LRRC7: variants seen among roughly 807,000 people sequenced by gnomAD.
LRRC7 encodes leucine rich repeat containing 7.
LRRC7 carries 23 observed loss-of-function variants against 175.7 expected under a neutral mutation model. That is an observed-to-expected ratio of 0.13 (90% CI 0.09 to 0.19). LRRC7 has a LOEUF of 0.19. LRRC7 is among the 10% of genes least tolerant of loss of function. The pLI is 1.00. For missense variants in LRRC7, 1,354 were observed against 1,904.7 expected, an observed-to-expected ratio of 0.71 and a Z score of 5.38; for synonymous variants, 685 against 680.9, an observed-to-expected ratio of 1.01 and a Z score of -0.09.
intron 23 of LRRC7, among the ~76,000 whole-genome samples, chr1:70,067,157 T>G (rs1272821435): frequency 6.6e-6 from 1 of 152,060 alleles, no homozygotes; most frequent in Non-Finnish European, 1.5e-5. Flanking sequence ...AGCTTGAGAG[T>G]TGAGAGTTCT....
intron 1 of LRRC7, among the ~76,000 whole-genome samples, chr1:69,677,941 G>A (rs1055047346): frequency 1.2e-4 from 18 of 152,002 alleles, no homozygotes; most frequent in African/African-American, 4.3e-4. Context: ...TGGAGAGAGA[G>A]AGAAGTCTAC....
At chr1:69,743,776 A>G (rs1668966294) in intron 2 of LRRC7, among the ~76,000 whole-genome samples, 1 of 151,982 alleles carries the variant, frequency 6.6e-6, no homozygotes, top group Non-Finnish European at 1.5e-5. Flanking sequence ...TTTAAAGTAC[A>G]GTGAAAACAA....
chr1:69,798,493 A>C (rs1397467164), intron 4 of LRRC7, among the ~76,000 whole-genome samples: 2 of 152,158 alleles, frequency 1.3e-5, no homozygotes, highest in Non-Finnish European at 2.9e-5. Context: ...ATTGTATTAA[A>C]AATGCTTGAT....
rs186191182 is a variant in LRRC7, at chr1:69,972,963, A to C, written c.712-7416A>C. ...ATATATATATAAATACTATATATAT[A>C]ATACTATATATAAATACTATATATA... On this transcript the variant is annotated intron_variant, in intron 8 of 26. Coordinates refer to ENST00000651989, the MANE Select transcript of LRRC7 (RefSeq NM_001370785.2). Among the ~76,000 whole-genome samples the C allele has an allele frequency of 3.6e-3, 527 of 145,616 alleles. 3 individuals carry two copies. Among genetic ancestry groups the C allele is most frequent in the African/African-American group, 0.013 (514 of 40,220 alleles).
Position 69,956,792 on chromosome 1 carries a change from A to G in LRRC7, c.712-23587A>G, listed in dbSNP as rs138175706. ...AAAATAAAACAAATATGAAAAATGAATAACTCATTTTCCACTTAAAATAAT... is the reference window on the plus strand; with the variant it reads ...AAAATAAAACAAATATGAAAAATGAGTAACTCATTTTCCACTTAAAATAAT... On this transcript the variant is annotated intron_variant, in intron 8 of 26. Transcript: ENST00000651989. Among the ~76,000 whole-genome samples, 761 of 151,794 alleles carry G rather than the reference A, an allele frequency of 5.0e-3. 6 individuals are homozygous for G. Among genetic ancestry groups the G allele is most frequent in the Non-Finnish European group, 7.2e-3 (485 of 67,730 alleles).
chr1:70,051,033 A>C (rs1330060334), intron 22 of LRRC7, among the ~76,000 whole-genome samples: 2 of 151,992 alleles, frequency 1.3e-5, no homozygotes, highest in South Asian at 2.1e-4. Flanking sequence ...TGTGATTGTT[A>C]ATTCTAATTT....
intron 7 of LRRC7, chr1:69,919,374 AC>A: frequency 1.6e-6 from 1 of 616,968 alleles, no homozygotes; most frequent in South Asian, 2.1e-5. Context: ...ACGAGGAGAA[AC>A]TGCCGCCTGG....
chr1:70,022,474 G>C (rs1333324435), intron 16 of LRRC7: 2 of 152,152 alleles, frequency 1.3e-5, no homozygotes, highest in Non-Finnish European at 2.9e-5. Context: ...GTAAAATATA[G>C]TAAATACTTA....
At chr1:70,037,959 A>C (rs1309459208) in intron 20 of LRRC7, among the ~76,000 whole-genome samples, 154 bp from the exon 21 acceptor site, 2 of 152,224 alleles carry the variant, frequency 1.3e-5, no homozygotes, top group Non-Finnish European at 2.9e-5. Flanking sequence ...GGATTTTTAA[A>C]ATATGAAATA....
Position 70,121,950 on chromosome 1 carries a change from C to A in LRRC7, c.*63C>A. On this transcript the variant is annotated 3_prime_UTR_variant, in exon 27 of 27. Coordinates refer to ENST00000651989, the MANE Select transcript of LRRC7 (RefSeq NM_001370785.2). Reference sequence around the variant, plus strand: ...CCTAATGTTCAAAAATAAATTTATACATAGAAACAAATTTTGCCAATTGCT... The same window carrying A: ...CCTAATGTTCAAAAATAAATTTATAAATAGAAACAAATTTTGCCAATTGCT... The A allele has an allele frequency of 8.1e-7, 1 of 1,240,858 alleles. No homozygotes were observed. Among genetic ancestry groups the A allele is most frequent in the Non-Finnish European group, 1.2e-6 (1 of 862,808 alleles). The allele number at this position is 1,240,858 out of a possible 1,614,324, so 76.9% of individuals were successfully genotyped here. A position where few individuals can be genotyped will look rare whatever the true frequency, so the allele number is the denominator to read the frequency against.
intron 4 of LRRC7, among the ~76,000 whole-genome samples, chr1:69,811,061 T>G (rs1240297395): frequency 6.6e-6 from 1 of 152,106 alleles, no homozygotes; most frequent in Non-Finnish European, 1.5e-5. Context: ...TATAAGGAAC[T>G]TAAACAAGTT....
intron 2 of LRRC7, among the ~76,000 whole-genome samples, chr1:69,749,418 A>T (rs1415555250): frequency 6.6e-6 from 1 of 152,174 alleles, no homozygotes; most frequent in Non-Finnish European, 1.5e-5. Context: ...GAAGATTTTT[A>T]AAAAGAAGAC....
chr1:69,743,935 ACTT>A (rs1000469056), intron 2 of LRRC7, among the ~76,000 whole-genome samples: 1 of 151,798 alleles, frequency 6.6e-6, no homozygotes, highest in Admixed American at 6.6e-5. Context: ...TATTCACTAT[ACTT>A]CTTTTTAAAG....
At position 70,129,105 on chromosome 1, in the gene LRRC7, G is replaced by A. The variant is rs1262104593; in HGVS notation, c.*7218G>A. ...TACTAAAAATATGAAAAATTAGCCG[G>A]GCATTGTGGCGCGCACCTGTAATCC... On this transcript the variant is annotated 3_prime_UTR_variant, in exon 27 of 27. Coordinates refer to ENST00000651989, the MANE Select transcript of LRRC7 (RefSeq NM_001370785.2). Among the ~76,000 whole-genome samples the A allele has an allele frequency of 6.6e-6, 1 of 151,988 alleles. No individual in the cohort carries two copies. Among genetic ancestry groups the A allele is most frequent in the African/African-American group, 2.4e-5 (1 of 41,376 alleles).
intron 1 of LRRC7, among the ~76,000 whole-genome samples, chr1:69,603,669 C>A (rs1045135784): frequency 6.6e-6 from 1 of 152,032 alleles, no homozygotes; most frequent in Non-Finnish European, 1.5e-5. Context: ...AGTAGAAATT[C>A]TTACTTTAAT....
intron 2 of LRRC7, among the ~76,000 whole-genome samples, chr1:69,696,434 C>T (rs1298734135): frequency 1.3e-5 from 2 of 152,122 alleles, no homozygotes; most frequent in Non-Finnish European, 2.9e-5. Flanking sequence ...ATAGGAGTCT[C>T]AGATGGGACT....
chr1:70,019,751 AT>A (rs1321185995), intron 15 of LRRC7, among the ~76,000 whole-genome samples: 1 of 151,980 alleles, frequency 6.6e-6, no homozygotes, highest in Non-Finnish European at 1.5e-5. Context: ...TTTAATATGT[AT>A]TTTTATAAGT....
chr1:69,893,291 T>C (rs1213811031), intron 7 of LRRC7, among the ~76,000 whole-genome samples: 2 of 152,182 alleles, frequency 1.3e-5, no homozygotes, highest in African/African-American at 4.8e-5. Context: ...TTTCCTAAGA[T>C]TCAAGATTGA....
chr1:69,822,575 T>G (rs1435681787), intron 4 of LRRC7, among the ~76,000 whole-genome samples: 1 of 152,144 alleles, frequency 6.6e-6, no homozygotes, highest in Non-Finnish European at 1.5e-5. Context: ...CCCTCAGTAT[T>G]CTAAGTGGGG....
Sources: allele counts gnomAD v4.1 joint callset (sites outside exome capture counted in the v4.1 genomes callset), GRCh38; gene constraint gnomAD v4.1.1; transcripts MANE v1.5; gene names NCBI Gene and HGNC (gene_info 2026-07-23, HGNC 2026-07-21).